Variants in CNTLN observed in about 807,000 individuals in gnomAD.
CNTLN encodes the protein centlein, centrosomal protein.
CNTLN carries 212 observed loss-of-function variants against 180.0 expected under a neutral mutation model. The observed-to-expected ratio is 1.18, with a 90% CI of 1.05 to 1.32. The LOEUF (loss-of-function observed/expected upper bound fraction) is 1.32. CNTLN is among the 40% of genes most tolerant of loss of function. The probability of loss-of-function intolerance (pLI) is 0.00; values close to 1 mark genes in which losing one functional copy is unlikely to be tolerated. For synonymous variants in CNTLN, 722 were observed against 563.1 expected, an observed-to-expected ratio of 1.28 and a Z score of -3.99; for missense variants, 2,095 against 1,610.9, an observed-to-expected ratio of 1.30 and a Z score of -5.14.
intron 25 of CNTLN, among the ~76,000 whole-genome samples, chr9:17,489,590 T>G (rs1833046477): frequency 6.6e-6 from 1 of 152,052 alleles, no homozygotes; most frequent in Admixed American, 6.6e-5. Context: ...TTTCTGCTTT[T>G]GTTTGATAGA....
chr9:17,520,994 T>C, the CNTLN span, among the ~76,000 whole-genome samples: 2 of 152,322 alleles, frequency 1.3e-5, no homozygotes, highest in South Asian at 2.1e-4. Flanking sequence ...TTCTGTGGAT[T>C]GTTACTTGCA....
intron 13 of CNTLN, among the ~76,000 whole-genome samples, chr9:17,378,409 G>A (rs1824958752): frequency 6.6e-6 from 1 of 152,112 alleles, no homozygotes; most frequent in African/African-American, 2.4e-5. Context: ...TCGATCTCCT[G>A]ATCTCGTGAT....
intron 6 of CNTLN, among the ~76,000 whole-genome samples, chr9:17,296,670 C>T (rs1397745598): frequency 1.3e-5 from 2 of 152,012 alleles, no homozygotes; most frequent in East Asian, 1.9e-4. Context: ...TTTTCCCCTC[C>T]TCTTGTATTA....
chr9:17,250,240 C>T (rs1015148863), intron 5 of CNTLN, among the ~76,000 whole-genome samples: 4 of 151,860 alleles, frequency 2.6e-5, no homozygotes, highest in African/African-American at 7.3e-5. Flanking sequence ...TTCCTTTTAA[C>T]TTGTTTGTAT....
intron 5 of CNTLN, among the ~76,000 whole-genome samples, chr9:17,269,750 C>G (rs1227433869): frequency 1.3e-5 from 2 of 152,036 alleles, no homozygotes; most frequent in Admixed American, 1.3e-4. Context: ...GTGGAATATT[C>G]TGTATTATTC....
In CNTLN at chr9:17,273,880, A is replaced by G. The variant is rs12376938; in HGVS notation, c.983+14A>G. The G allele has an allele frequency of 0.25, 375,748 of 1,509,870 alleles. 49,083 individuals are homozygous for G. Among genetic ancestry groups the G allele is most frequent in the South Asian group, 0.35 (26,401 of 76,264 alleles). 93.5% of individuals were successfully genotyped at this position (1,509,870 alleles called of 1,614,324 possible). A position where few individuals can be genotyped will look rare whatever the true frequency, so the allele number is the denominator to read the frequency against. Reference sequence around the variant, plus strand: ...TACCCTGGTCAGGCAAGTATATTCAATTTTTAATTTAACATCATAGAAATG... The same window carrying G: ...TACCCTGGTCAGGCAAGTATATTCAGTTTTTAATTTAACATCATAGAAATG... On this transcript the variant is annotated intron_variant, in intron 6 of 25. Coordinates refer to ENST00000380647, the MANE Select transcript of CNTLN (RefSeq NM_017738.4).
At chr9:17,332,567 T>C in intron 9 of CNTLN, 38 bp from the exon 10 acceptor site, 1 of 1,571,298 alleles carries the variant, frequency 6.4e-7, no homozygotes, top group South Asian at 1.2e-5. Flanking sequence ...AATCCAGTGT[T>C]CCAACTAGTT....
intron 2 of CNTLN, among the ~76,000 whole-genome samples, chr9:17,216,545 C>A (rs976961247): frequency 6.6e-6 from 1 of 152,006 alleles, no homozygotes; most frequent in Non-Finnish European, 1.5e-5. Flanking sequence ...TGTGCTATAT[C>A]CTTGATACAC....
intron 19 of CNTLN, among the ~76,000 whole-genome samples, chr9:17,460,696 C>G (rs1171685741): frequency 2.6e-5 from 4 of 151,656 alleles, no homozygotes; most frequent in African/African-American, 9.7e-5. Flanking sequence ...CTCAATTCTC[C>G]AAGTCAGAGT....
At chr9:17,214,608 C>G (rs922796040) in intron 2 of CNTLN, among the ~76,000 whole-genome samples, 4 of 152,184 alleles carry the variant, frequency 2.6e-5, no homozygotes, top group Non-Finnish European at 5.9e-5. Flanking sequence ...GCCTGCCTCA[C>G]TAGGTTGGGG....
At chr9:17,253,842 C>G (rs1273928707) in intron 5 of CNTLN, among the ~76,000 whole-genome samples, 1 of 149,516 alleles carries the variant, frequency 6.7e-6, no homozygotes, top group East Asian at 1.9e-4. Context: ...ACTGGGCATT[C>G]TTGTCTAGTT....
In CNTLN at chr9:17,416,148, G is replaced by C. The variant is rs750525450; in HGVS notation, c.3073G>C (p.Val1025Leu). Residue 1025 changes from valine (V) to leucine (L), a missense_variant, in exon 18 of 26, where the codon GTA becomes CTA. Val to Leu is a conservative substitution (Grantham distance 32). Coordinates refer to ENST00000380647, the MANE Select transcript of CNTLN (RefSeq NM_017738.4). ...VNEKLLHQQQ[V>L]SDQRFQTSRQ... ...TGAAAAGCTCCTCCATCAACAGCAA[G>C]TATCCGATCAACGATTTCAGACAAG... 9 of 1,613,344 alleles carry C rather than the reference G, an allele frequency of 5.6e-6. No individual in the cohort carries two copies. The highest frequency in any genetic ancestry group is 6.8e-6 in the Non-Finnish European group (8 of 1,179,712).
chr9:17,478,642 T>C (rs2383021), intron 23 of CNTLN, among the ~76,000 whole-genome samples: 112,640 of 151,966 alleles, frequency 0.74, 45,921 homozygotes, highest in Non-Finnish European at 0.89. Flanking sequence ...CTTAAGTCTT[T>C]TATCCATCTT....
intron 6 of CNTLN, among the ~76,000 whole-genome samples, chr9:17,277,785 A>G (rs1828406816): frequency 6.6e-6 from 1 of 152,164 alleles, no homozygotes; most frequent in Admixed American, 6.6e-5. Context: ...TGAAGTGCAC[A>G]TATAATGAAA....
intron 14 of CNTLN, among the ~76,000 whole-genome samples, chr9:17,389,405 A>C (rs1001252208): frequency 6.6e-6 from 1 of 152,090 alleles, no homozygotes; most frequent in African/African-American, 2.4e-5. Flanking sequence ...GTATCTATGG[A>C]TATGTAATAC....
intron 2 of CNTLN, among the ~76,000 whole-genome samples, chr9:17,178,731 G>T (rs1453303606): frequency 6.6e-6 from 1 of 152,040 alleles, no homozygotes; most frequent in Non-Finnish European, 1.5e-5. Context: ...GCCCACAAGG[G>T]TTGCGGGCAG....
At chr9:17,484,586 G>C in intron 24 of CNTLN, 106 bp downstream of exon 24, 1 of 879,806 alleles carries the variant, frequency 1.1e-6, no homozygotes. Context: ...TTAAGAGAGT[G>C]TTAATGATGG....
intron 13 of CNTLN, among the ~76,000 whole-genome samples, chr9:17,370,998 T>G (rs899662195): frequency 3.9e-5 from 6 of 151,994 alleles, no homozygotes; most frequent in African/African-American, 1.4e-4. Context: ...TTCGTTTTAT[T>G]TTAGGAGAAA....
chr9:17,303,826 A>G (rs1344358911), intron 7 of CNTLN, among the ~76,000 whole-genome samples: 2 of 152,180 alleles, frequency 1.3e-5, no homozygotes, highest in Admixed American at 6.5e-5. Flanking sequence ...ATTCATTTTA[A>G]TATTTTCGAA....
Sources: allele counts gnomAD v4.1 joint callset (sites outside exome capture counted in the v4.1 genomes callset), GRCh38; gene constraint gnomAD v4.1.1; transcripts MANE v1.5; gene names NCBI Gene and HGNC (gene_info 2026-07-23, HGNC 2026-07-21).